The following CTBP2 variants were observed in gnomAD, a reference collection of about 807,000 sequenced individuals.
CTBP2 encodes C-terminal binding protein 2.
CTBP2 carries 30 observed loss-of-function variants against 80.3 expected under a neutral mutation model. The observed-to-expected ratio is 0.37, with a 90% CI of 0.28 to 0.51. CTBP2 has a LOEUF of 0.51. CTBP2 is among the 20% of genes least tolerant of loss of function. The pLI is 0.93. For synonymous variants in CTBP2, 594 were observed against 587.4 expected (o/e 1.01, Z -0.16); for missense variants, 1,212 against 1,375.3 (o/e 0.88, Z 1.88).
intron 1 of CTBP2, among the ~76,000 whole-genome samples, chr10:125,011,044 TC>T (rs1266564982): frequency 1.4e-4 from 21 of 152,094 alleles, no homozygotes; most frequent in Admixed American, 3.9e-4. Flanking sequence ...TCCCTCAAGT[TC>T]CCCCTGCTTT....
chr10:125,150,939 C>A (rs535764825), intron 1 of CTBP2, among the ~76,000 whole-genome samples: 1 of 150,416 alleles, frequency 6.6e-6, no homozygotes, highest in East Asian at 2.0e-4. Context: ...CAGACACCTG[C>A]CTTGAGATCG....
intron 1 of CTBP2, among the ~76,000 whole-genome samples, chr10:125,120,663 A>G (rs1054327106): frequency 6.6e-6 from 1 of 152,180 alleles, no homozygotes; most frequent in Admixed American, 6.5e-5. Context: ...CTGGGATTAC[A>G]GTTGTGAGCC....
intron 2 of CTBP2, among the ~76,000 whole-genome samples, chr10:125,074,171 A>G (rs1845937150): frequency 6.6e-6 from 1 of 152,148 alleles, no homozygotes. Flanking sequence ...CCTCAAGGCA[A>G]AGTCTCCTGA....
At chr10:125,141,387 T>C (rs1416618216) in intron 1 of CTBP2, among the ~76,000 whole-genome samples, 1 of 152,050 alleles carries the variant, frequency 6.6e-6, no homozygotes, top group Non-Finnish European at 1.5e-5. Flanking sequence ...AGCATGGCCA[T>C]CTACCCTCGG....
intron 3 of CTBP2, among the ~76,000 whole-genome samples, chr10:125,034,686 T>TA (rs887357799): frequency 1.8e-4 from 28 of 152,146 alleles, no homozygotes; most frequent in African/African-American, 6.7e-4. Context: ...CAAAGTGCTT[T>TA]AAAAAAACAA....
chr10:124,984,582 G>T lies in CTBP2; in HGVS notation c.*4936C>A. On this transcript the variant is annotated 3_prime_UTR_variant, in exon 9 of 9. Coordinates refer to ENST00000309035, the MANE Select transcript of CTBP2 (RefSeq NM_022802.3). ...TTTTTCTGAGAAATTTCCCATTTAT[G>T]TCTTTTTAAATTTAACCAGAGCAAA... 1 of 547,948 alleles carries T rather than the reference G, an allele frequency of 1.8e-6. No individual in the cohort carries two copies. The highest frequency in any genetic ancestry group is 3.2e-6 in the Non-Finnish European group (1 of 316,192). 33.9% of individuals were successfully genotyped at this position (547,948 alleles called of 1,614,324 possible).
intron 2 of CTBP2, among the ~76,000 whole-genome samples, chr10:125,060,374 T>A (rs900772196): frequency 6.6e-6 from 1 of 152,206 alleles, no homozygotes; most frequent in Non-Finnish European, 1.5e-5. Flanking sequence ...TCGTCATTAT[T>A]TGAGTTCAAG....
intron 1 of CTBP2, among the ~76,000 whole-genome samples, chr10:125,003,958 G>C (rs536882101): frequency 6.6e-6 from 1 of 152,350 alleles, no homozygotes; most frequent in African/African-American, 2.4e-5. Flanking sequence ...ACCTGCGCTG[G>C]GTGAGGAGAA....
chr10:125,095,339 C>T (rs1426689142), intron 2 of CTBP2, among the ~76,000 whole-genome samples: 1 of 152,226 alleles, frequency 6.6e-6, no homozygotes, highest in Non-Finnish European at 1.5e-5. Flanking sequence ...CCAGCCCAAA[C>T]TCAGAAGGCA....
intron 1 of CTBP2, among the ~76,000 whole-genome samples, chr10:125,113,440 G>GA (rs1852645841): frequency 6.6e-6 from 1 of 152,168 alleles, no homozygotes; most frequent in African/African-American, 2.4e-5. Flanking sequence ...ACATAGTAGG[G>GA]AATCAAATAT....
chr10:125,043,136 G>C (rs1307189751), intron 2 of CTBP2, among the ~76,000 whole-genome samples: 1 of 152,188 alleles, frequency 6.6e-6, no homozygotes, highest in Non-Finnish European at 1.5e-5. Flanking sequence ...TTCCGTGGAG[G>C]TATCACAGAG....
intron 2 of CTBP2, among the ~76,000 whole-genome samples, chr10:125,097,596 C>G (rs1291757813): frequency 1.3e-5 from 2 of 152,144 alleles, no homozygotes; most frequent in Admixed American, 6.5e-5. Flanking sequence ...GTGCATGCCT[C>G]ACGTGGGGTC....
At chr10:125,099,025 G>A (rs554061174) in intron 2 of CTBP2, among the ~76,000 whole-genome samples, 8 of 152,280 alleles carry the variant, frequency 5.3e-5, no homozygotes, top group East Asian at 3.9e-4. Flanking sequence ...ACGCGCTGTC[G>A]GTCTGCAAGC....
intron 1 of CTBP2, among the ~76,000 whole-genome samples, chr10:125,025,062 C>T (rs1306308724): frequency 2.6e-5 from 4 of 152,112 alleles, no homozygotes; most frequent in Admixed American, 6.5e-5. Flanking sequence ...TCCAGCGCCT[C>T]GGTCCCCGCC....
rs774763269 is a variant in CTBP2 at position 125,066,340 on chromosome 10, G to A, written c.-101-27185C>T. 1.3e-5 allele frequency among the ~76,000 whole-genome samples: 2 copies of A among 152,182 alleles called. No individual in the cohort carries two copies. Among genetic ancestry groups the A allele is most frequent in the Non-Finnish European group, 2.9e-5 (2 of 68,032 alleles). On this transcript the variant is annotated intron_variant, in intron 2 of 10. Transcript: ENST00000337195. This position sits in a 1 kb window ranked among gnomAD's most constrained non-coding sequence, Gnocchi z 4.1. ...CATGGAGCTACCAACATCAGGACCA[G>A]CGAGAAATCGGGAAAACATCAAGTC...
chr10:125,118,725 G>A (rs1411092614), intron 1 of CTBP2, among the ~76,000 whole-genome samples: 1 of 147,490 alleles, frequency 6.8e-6, no homozygotes, highest in Non-Finnish European at 1.5e-5. Flanking sequence ...GCTGGGGGGT[G>A]GGAGGGGGGG....
chr10:125,005,864 T>C, intron 1 of CTBP2: 2 of 1,563,368 alleles, frequency 1.3e-6, no homozygotes, highest in Non-Finnish European at 8.6e-7. Context: ...CTTTCAGGGG[T>C]GCTGGCAGGA....
intron 2 of CTBP2, among the ~76,000 whole-genome samples, chr10:125,062,135 A>AT (rs1965086469): frequency 6.6e-6 from 1 of 152,108 alleles, no homozygotes; most frequent in Non-Finnish European, 1.5e-5. Flanking sequence ...GAGAAGCAGA[A>AT]CCCAGCGGAC....
At chr10:125,014,010 C>A (rs554915509) in intron 1 of CTBP2, among the ~76,000 whole-genome samples, 4 of 152,308 alleles carry the variant, frequency 2.6e-5, no homozygotes, top group South Asian at 2.1e-4. Context: ...TGAGGCTTCT[C>A]ACGTGAGGCA....
Sources: allele counts gnomAD v4.1 joint callset (sites outside exome capture counted in the v4.1 genomes callset), GRCh38; gene constraint gnomAD v4.1.1; non-coding constraint Gnocchi (gnomAD v3.1); transcripts MANE v1.5; gene names NCBI Gene and HGNC (gene_info 2026-07-23, HGNC 2026-07-21).